Variants in SOX6 observed in about 807,000 individuals in gnomAD.
SOX6 encodes SRY-box transcription factor 6.
SOX6 carries 11 observed loss-of-function variants against 97.8 expected under a neutral mutation model. That is an observed-to-expected ratio of 0.11 (90% confidence interval 0.07 to 0.19). The LOEUF is 0.19. Ranked by LOEUF, SOX6 falls within the 10% of genes least tolerant of loss-of-function variation. The probability of loss-of-function intolerance (pLI) is 1.00; values close to 1 mark genes in which losing one functional copy is unlikely to be tolerated. For synonymous variants in SOX6, 360 were observed against 371.4 expected (o/e 0.97, Z 0.35); for missense variants, 810 against 1,039.5 (o/e 0.78, Z 3.04).
At chr11:16,284,111 C>A (rs1486584675) in intron 3 of SOX6, among the ~76,000 whole-genome samples, 1 of 152,056 alleles carries the variant, frequency 6.6e-6, no homozygotes, top group Non-Finnish European at 1.5e-5. Flanking sequence ...ACTACAGATA[C>A]CTTCTCTCTC....
chr11:16,536,377 G>A lies in SOX6; in HGVS notation n.610-59989C>T, dbSNP rs147533465. The stretch of plus-strand genomic sequence containing the variant: ...GGAACAGCTCCAGTCTGCAGCTCCC[G>A]GCGAGATTGACGCAGAAGATGGGTG... On this transcript the variant is annotated intron_variant and non_coding_transcript_variant, in intron 4 of 5. Coordinates refer to the SOX6 transcript ENST00000524520. Among the ~76,000 whole-genome samples, 205 of 152,194 alleles carry A rather than the reference G, an allele frequency of 1.3e-3. 2 individuals are homozygous for A. The highest frequency in any genetic ancestry group is 4.4e-3 in the African/African-American group (182 of 41,522).
intron 2 of SOX6, among the ~76,000 whole-genome samples, chr11:16,320,497 G>A (rs1855886135): frequency 6.6e-6 from 1 of 152,128 alleles, no homozygotes; most frequent in Non-Finnish European, 1.5e-5. Context: ...CAGGGTTATT[G>A]AAAGCACATA....
At chr11:16,615,409 A>T (rs1848459535) in intron 3 of SOX6, among the ~76,000 whole-genome samples, 1 of 152,214 alleles carries the variant, frequency 6.6e-6, no homozygotes, top group Non-Finnish European at 1.5e-5. Flanking sequence ...AGTTTAACAT[A>T]ACTGGCAGAA....
At chr11:16,426,612 G>A (rs1272126413) in intron 1 of SOX6, among the ~76,000 whole-genome samples, 1 of 151,872 alleles carries the variant, frequency 6.6e-6, no homozygotes, top group African/African-American at 2.4e-5. Flanking sequence ...ATACGCAGAA[G>A]ATTAAAACTG....
At chr11:16,166,909 T>C (rs1441658042) in intron 6 of SOX6, among the ~76,000 whole-genome samples, 1 of 152,132 alleles carries the variant, frequency 6.6e-6, no homozygotes, top group Non-Finnish European at 1.5e-5. Context: ...AAAGTAAAGC[T>C]AGAAATAGCT....
chr11:16,235,555 G>A (rs1353997718), intron 3 of SOX6, among the ~76,000 whole-genome samples: 1 of 151,972 alleles, frequency 6.6e-6, no homozygotes, highest in Non-Finnish European at 1.5e-5. Context: ...AGGGAATGCA[G>A]ATTTAAATAC....
chr11:16,554,695 G>A (rs1847731427), intron 4 of SOX6, among the ~76,000 whole-genome samples: 1 of 152,052 alleles, frequency 6.6e-6, no homozygotes, highest in Non-Finnish European at 1.5e-5. Flanking sequence ...AACATATTAA[G>A]TTCCTTTTGT....
rs889808458 is a variant in SOX6 at position 15,966,909 on chromosome 11, A to G, written c.*5900T>C. The stretch of plus-strand genomic sequence containing the variant: ...ATGATTCATTCCTGTAAATTTGAAG[A>G]GATTTTTTTTATTTTTCCCATTTCT... On this transcript the variant is annotated 3_prime_UTR_variant, in exon 16 of 16. Coordinates refer to ENST00000683767, the MANE Select transcript of SOX6 (RefSeq NM_001367873.1). 6.6e-6 allele frequency: 1 copy of G among 152,176 alleles called. No homozygotes were observed. The highest frequency in any genetic ancestry group is 2.4e-5 in the African/African-American group (1 of 41,444). 9.4% of individuals were successfully genotyped at this position (152,176 alleles called of 1,614,324 possible).
intron 15 of SOX6, among the ~76,000 whole-genome samples, 167 bp from the exon 16 acceptor site, chr11:15,973,279 T>A (rs771333586): frequency 6.6e-6 from 1 of 152,248 alleles, no homozygotes. Flanking sequence ...GGAGGAGTAC[T>A]GCAAATCTCC....
At chr11:16,344,810 G>GT (rs907245487) in intron 1 of SOX6, among the ~76,000 whole-genome samples, 3 of 151,518 alleles carry the variant, frequency 2.0e-5, no homozygotes, top group Non-Finnish European at 4.4e-5. Context: ...CAAATGAATT[G>GT]TTTTTTTAAT....
chr11:16,646,558 C>G (rs1590035417), intron 3 of SOX6, among the ~76,000 whole-genome samples: 1 of 150,568 alleles, frequency 6.6e-6, no homozygotes, highest in East Asian at 2.0e-4. Context: ...TTGTGAGATT[C>G]TGGTGTACCC....
At chr11:16,480,084 G>A (rs2133123790), upstream of SOX6, among the ~76,000 whole-genome samples, 1 of 152,100 alleles carries the variant, frequency 6.6e-6, no homozygotes, top group East Asian at 1.9e-4. Context: ...AAAAATATGT[G>A]TATAATAAAA....
rs534789085 is a variant in SOX6, at chr11:16,220,061, T to C, written c.535+14521A>G. Among the ~76,000 whole-genome samples the C allele has an allele frequency of 2.8e-4, 43 of 152,254 alleles. 1 individual carries two copies. The highest frequency in any genetic ancestry group is 1.0e-3 in the African/African-American group (42 of 41,584). On this transcript the variant is annotated intron_variant, in intron 4 of 15. Coordinates refer to ENST00000683767, the MANE Select transcript of SOX6 (RefSeq NM_001367873.1). ...TTAATAATAGTAAAATCTTTTAAAA[T>C]GTTTTTCATAATTTTGTGTTCACTA...
chr11:16,075,100 T>C lies in SOX6; in HGVS notation c.1102-19199A>G, dbSNP rs1848321199. Among the ~76,000 whole-genome samples the C allele has an allele frequency of 2.0e-5, 3 of 152,206 alleles. No homozygotes were observed. In the South Asian group the frequency reaches 6.2e-4, roughly 32 times the overall value. ...GTCACACACCTACTATCATCTGAGCTTTGAAAAAGTGGACAAAAACAAGCA... is the reference window on the plus strand; with the variant it reads ...GTCACACACCTACTATCATCTGAGCCTTGAAAAAGTGGACAAAAACAAGCA... On this transcript the variant is annotated intron_variant, in intron 9 of 15. Transcript: ENST00000683767.
Position 16,096,349 on chromosome 11 carries a change from T to C in SOX6, c.979-231A>G, listed in dbSNP as rs1010939650. Among the ~76,000 whole-genome samples, 3 of 151,828 alleles carry C rather than the reference T, an allele frequency of 2.0e-5. No individual in the cohort carries two copies. In the East Asian group the frequency reaches 5.8e-4, roughly 29 times the overall value. On this transcript the variant is annotated intron_variant, in intron 8 of 15. Coordinates refer to ENST00000683767, the MANE Select transcript of SOX6 (RefSeq NM_001367873.1). ...AAGAAGATACTCAATAGCACAGCTA[T>C]AGGAAGAGAAGAAATATATTAGGTT...
chr11:16,004,189 C>A (rs1854485827), intron 13 of SOX6, among the ~76,000 whole-genome samples: 1 of 151,822 alleles, frequency 6.6e-6, no homozygotes. Context: ...TTAAAGATTA[C>A]CTAATCCATA....
intron 6 of SOX6, among the ~76,000 whole-genome samples, chr11:16,144,094 G>T (rs1246837366): frequency 6.6e-6 from 1 of 152,094 alleles, no homozygotes; most frequent in Non-Finnish European, 1.5e-5. Flanking sequence ...TGACCACATA[G>T]TTGGAAGTAA....
intron 4 of SOX6, among the ~76,000 whole-genome samples, chr11:16,496,318 A>T (rs1429017158): frequency 3.1e-3 from 2 of 646 alleles, no homozygotes; most frequent in Non-Finnish European, 0.016. Flanking sequence ...AACATGGATT[A>T]AAAAAAAAAA....
intron 1 of SOX6, among the ~76,000 whole-genome samples, chr11:16,737,077 A>T (rs1334357689): frequency 6.6e-6 from 1 of 152,222 alleles, no homozygotes; most frequent in African/African-American, 2.4e-5. Flanking sequence ...AATCTAGGTA[A>T]GTAATATTTG....
Sources: allele counts gnomAD v4.1 joint callset (sites outside exome capture counted in the v4.1 genomes callset), GRCh38; gene constraint gnomAD v4.1.1; transcripts MANE v1.5; gene names NCBI Gene and HGNC (gene_info 2026-07-23, HGNC 2026-07-21).